The following TMCC2 variants were observed in gnomAD, a reference collection of about 807,000 sequenced individuals.
The protein encoded by TMCC2 is transmembrane and coiled-coil domains protein 2.
TMCC2 carries 16 observed loss-of-function variants against 49.4 expected under a neutral mutation model. That is an observed-to-expected ratio of 0.32 (90% confidence interval 0.22 to 0.49). TMCC2 has a LOEUF of 0.49. Among genes scored for constraint, TMCC2 ranks in the 20% least tolerant of loss-of-function variants. The probability of loss-of-function intolerance (pLI) is 0.99; values close to 1 mark genes in which losing one functional copy is unlikely to be tolerated. For synonymous variants in TMCC2, 397 were observed against 434.1 expected, an observed-to-expected ratio of 0.91 and a Z score of 1.06; for missense variants, 762 against 989.8, an observed-to-expected ratio of 0.77 and a Z score of 3.09.
chr1:205,271,018 T>C, intron 3 of TMCC2, 102 bp from the exon 4 acceptor site: 5 of 1,496,454 alleles, frequency 3.3e-6, no homozygotes, highest in Non-Finnish European at 4.5e-6. Context: ...ACACGGGGGA[T>C]GGGCTGAGTC....
At chr1:205,233,383 A>G (rs930607310) in intron 1 of TMCC2, among the ~76,000 whole-genome samples, 1 of 152,212 alleles carries the variant, frequency 6.6e-6, no homozygotes, top group Non-Finnish European at 1.5e-5. Flanking sequence ...GTTCCAGTTC[A>G]TGTTCCAGTC....
rs150035205 is a variant in TMCC2, at chr1:205,271,974, C to T, written c.1980C>T (p.Phe660=). 5.8e-5 allele frequency: 94 copies of T among 1,614,200 alleles called. No individual in the cohort carries two copies. In the African/African-American group the frequency reaches 9.7e-4, roughly 17 times the overall value. The change falls in exon 5 of 5, where the codon TTC becomes TTT. Residue 660 remains phenylalanine, a synonymous_variant. Coordinates refer to ENST00000358024, the MANE Select transcript of TMCC2 (RefSeq NM_014858.4). The part of the protein sequence containing the change: ...ILALMAVLLV[F]VSTIANFITP... ...CGCTCATGGCCGTGCTGCTGGTGTT[C>T]GTGTCCACCATCGCCAACTTCATCA...
intron 2 of TMCC2, among the ~76,000 whole-genome samples, chr1:205,250,549 G>GA (rs1403444920): frequency 6.6e-6 from 1 of 151,660 alleles, no homozygotes; most frequent in African/African-American, 2.4e-5. Context: ...CTCAGAAAAA[G>GA]AAAAAAAAGA....
chr1:205,253,049 T>C (rs1285287416), intron 2 of TMCC2, among the ~76,000 whole-genome samples: 1 of 151,944 alleles, frequency 6.6e-6, no homozygotes, highest in Non-Finnish European at 1.5e-5. Flanking sequence ...CAGAGGATCA[T>C]TTGAGCCCCC....
Position 205,269,897 on chromosome 1 carries a change from C to T in TMCC2, c.1682+13C>T, listed in dbSNP as rs547241034. The T allele has an allele frequency of 3.7e-6, 6 of 1,604,010 alleles. No individual in the cohort carries two copies. Among genetic ancestry groups the T allele is most frequent in the Middle Eastern group, 1.7e-4 (1 of 5,920 alleles). On this transcript the variant is annotated intron_variant, in intron 3 of 4. Transcript: ENST00000358024. ...AGGAGCGCTACAGGTAGGTGCCTGCCCACCCCCTCCTGCAGCCCAGCCGGA... is the reference window on the plus strand; with the variant it reads ...AGGAGCGCTACAGGTAGGTGCCTGCTCACCCCCTCCTGCAGCCCAGCCGGA...
At position 205,269,525 on chromosome 1, in the gene TMCC2, C is replaced by T; in HGVS notation, c.1323C>T (p.Asn441=). The part of the protein sequence containing the change: ...LIRNKFGSAD[N]IAHLKDPLED... ...GCAACAAGTTTGGCAGTGCTGACAA[C>T]ATCGCCCACCTGAAGGACCCCCTGG... Residue 441 remains asparagine, a synonymous_variant, in exon 3 of 5, where the codon AAC becomes AAT. Transcript: ENST00000358024. 1 of 1,613,042 alleles carries T rather than the reference C, an allele frequency of 6.2e-7. No individual in the cohort carries two copies. Among genetic ancestry groups the T allele is most frequent in the Non-Finnish European group, 8.5e-7 (1 of 1,179,400 alleles).
At chr1:205,240,821 C>T (rs1392963760) in intron 1 of TMCC2, among the ~76,000 whole-genome samples, 1 of 152,226 alleles carries the variant, frequency 6.6e-6, no homozygotes, top group Non-Finnish European at 1.5e-5. Flanking sequence ...AGCAAAAGTG[C>T]TCCCAGAAGC....
chr1:205,267,896 C>G (rs1661409972), intron 2 of TMCC2: 1 of 985,342 alleles, frequency 1.0e-6, no homozygotes, highest in African/African-American at 1.7e-5. Context: ...GTCCCTGCTT[C>G]CCTTGGCCTT....
chr1:205,255,827 G>C (rs1660849181), intron 2 of TMCC2, among the ~76,000 whole-genome samples: 1 of 152,174 alleles, frequency 6.6e-6, no homozygotes, highest in Non-Finnish European at 1.5e-5. Context: ...AACAGTGCTT[G>C]GTGCGAAAAT....
At chr1:205,246,522 C>T in intron 2 of TMCC2, 1 of 1,508,348 alleles carries the variant, frequency 6.6e-7, no homozygotes, top group Non-Finnish European at 8.9e-7. Flanking sequence ...CTAGCCTCCA[C>T]TGGGGAGAAG....
chr1:205,259,225 T>C (rs1397697673), intron 2 of TMCC2, among the ~76,000 whole-genome samples: 1 of 151,852 alleles, frequency 6.6e-6, no homozygotes, highest in Non-Finnish European at 1.5e-5. Context: ...AGTGACCTTA[T>C]ATTGTCTTTC....
intron 2 of TMCC2, among the ~76,000 whole-genome samples, chr1:205,260,429 A>G (rs1467511962): frequency 6.6e-6 from 1 of 152,210 alleles, no homozygotes; most frequent in African/African-American, 2.4e-5. Context: ...AACCAGCTGC[A>G]CGACAGGGGT....
intron 2 of TMCC2, among the ~76,000 whole-genome samples, chr1:205,251,661 G>A (rs373389481): frequency 1.7e-4 from 26 of 152,320 alleles, no homozygotes; most frequent in African/African-American, 6.3e-4. Context: ...GCCTGAGAAG[G>A]TAGCTTCAGA....
At position 205,272,272 on chromosome 1, in the gene TMCC2, TTCTG is replaced by T. The variant is rs1661632564; in HGVS notation, c.*153_*156del. The T allele has an allele frequency of 7.1e-7, 1 of 1,411,956 alleles. No individual in the cohort carries two copies. The highest frequency in any genetic ancestry group is 9.3e-7 in the Non-Finnish European group (1 of 1,074,006). The allele number at this position is 1,411,956 out of a possible 1,614,324, so 87.5% of individuals were successfully genotyped here. On this transcript the variant is annotated 3_prime_UTR_variant, in exon 5 of 5. Coordinates refer to ENST00000358024, the MANE Select transcript of TMCC2 (RefSeq NM_014858.4). ...CTCCTGCCCCCTTCTCTGTACTTGC[TTCTG>T]TCTGACACCTTCTCCCTGTTGGCCT...
chr1:205,238,251 A>T lies in TMCC2; in HGVS notation c.208-3254A>T, dbSNP rs192284997. On this transcript the variant is annotated intron_variant, in intron 1 of 4. Transcript: ENST00000358024. ...TGTATGTGCTGAGTTTTTTTTTTTTAAAACACTTACTGTGTTATGTCAAAA... is the reference window on the plus strand; with the variant it reads ...TGTATGTGCTGAGTTTTTTTTTTTTTAAACACTTACTGTGTTATGTCAAAA... 3.4e-3 allele frequency among the ~76,000 whole-genome samples: 504 copies of T among 150,350 alleles called. 3 individuals are homozygous for T. The highest frequency in any genetic ancestry group is 6.8e-3 in the Middle Eastern group (2 of 294).
In TMCC2 at chr1:205,241,865, C is replaced by T. The variant is rs1165661088; in HGVS notation, c.568C>T (p.Pro190Ser). 6.2e-7 allele frequency: 1 copy of T among 1,602,058 alleles called. No homozygotes were observed. Among genetic ancestry groups the T allele is most frequent in the Admixed American group, 1.7e-5 (1 of 58,750 alleles). Residue 190 changes from proline (P) to serine (S), a missense_variant, in exon 2 of 5, where the codon CCC becomes TCC. Physicochemically the swap from Pro to Ser is moderately conservative, Grantham distance 74. Around this residue, in one of 2 missense-constraint regions of TMCC2, gnomAD observed 322 missense variants for 353.1 expected, o/e 0.91. Transcript: ENST00000358024. The surrounding 1 kb of genome is among the most constrained non-coding windows in gnomAD (Gnocchi z 7.3). ...SRRTKSSSLE[P>S]QRGSPHLLRK... ...GCGCACCAAGAGTAGCTCCCTGGAG[C>T]CCCAGCGTGGCAGCCCTCACCTGCT... is the stretch of plus-strand genomic sequence containing the variant.
At chr1:205,248,940 C>T (rs1660560980) in intron 2 of TMCC2, among the ~76,000 whole-genome samples, 1 of 152,214 alleles carries the variant, frequency 6.6e-6, no homozygotes, top group Non-Finnish European at 1.5e-5. Context: ...GTGTCCTGCT[C>T]ACCCCTTCCC....
intron 2 of TMCC2, among the ~76,000 whole-genome samples, chr1:205,265,213 C>T (rs1350524302): frequency 6.6e-6 from 1 of 152,196 alleles, no homozygotes; most frequent in African/African-American, 2.4e-5. Flanking sequence ...GCCCAGGCCT[C>T]TGCACCCACC....
chr1:205,257,418 T>G, intron 2 of TMCC2: 1 of 1,230,896 alleles, frequency 8.1e-7, no homozygotes, highest in Non-Finnish European at 1.0e-6. Flanking sequence ...GGGGTGGAGT[T>G]GGGGGATGGG....
Sources: gnomAD v4.1 joint callset for allele counts (sites outside exome capture counted in the v4.1 genomes callset) on GRCh38, gnomAD v4.1.1 for gene constraint, gnomAD v4.1.1 regional missense constraint, Gnocchi (gnomAD v3.1) non-coding constraint, MANE v1.5 for transcripts, NCBI Gene and HGNC (gene_info 2026-07-23, HGNC 2026-07-21) for gene names.